PTGFR: variants seen among roughly 807,000 people sequenced by gnomAD.
The protein encoded by PTGFR is prostaglandin F2-alpha receptor.
In PTGFR, 15 loss-of-function variants were observed where a neutral mutation model predicts 26.2. The observed-to-expected ratio is 0.57, with a 90% CI of 0.38 to 0.88. The LOEUF is 0.88. PTGFR is among the 40% of genes least tolerant of loss of function. The pLI, the probability that PTGFR is intolerant of heterozygous loss-of-function variation, is 0.00. For missense variants in PTGFR, 369 were observed against 427.2 expected (o/e 0.86, Z 1.20); for synonymous variants, 165 against 151.1 (o/e 1.09, Z -0.68).
At chr1:78,530,654 T>C (rs1650484708) in intron 2 of PTGFR, among the ~76,000 whole-genome samples, 1 of 152,154 alleles carries the variant, frequency 6.6e-6, no homozygotes, top group African/African-American at 2.4e-5. Flanking sequence ...TAATACTGCT[T>C]CTCTCAGAGG....
chr1:78,529,755 C>T (rs1409322751), intron 2 of PTGFR, among the ~76,000 whole-genome samples: 1 of 152,172 alleles, frequency 6.6e-6, no homozygotes, highest in South Asian at 2.1e-4. Context: ...CCCCAACCCC[C>T]AGGCCCAGGC....
intron 2 of PTGFR, among the ~76,000 whole-genome samples, chr1:78,502,099 C>T (rs1424396925): frequency 6.6e-6 from 1 of 152,144 alleles, no homozygotes; most frequent in African/African-American, 2.4e-5. Context: ...CATTTCCACT[C>T]CAAGTTTCAA....
chr1:78,511,368 G>C (rs1649966010), intron 2 of PTGFR, among the ~76,000 whole-genome samples: 4 of 152,228 alleles, frequency 2.6e-5, no homozygotes, highest in Non-Finnish European at 1.5e-5. Flanking sequence ...TCTGCATTCT[G>C]TGCACCTATA....
rs913124840 is a variant in PTGFR, at chr1:78,494,771, A to G, written c.798+1230A>G. On this transcript the variant is annotated intron_variant, in intron 2 of 2. Transcript: ENST00000370757. ...CAGGCGTGTGGCACCAAACCCGGCTAATTTTTGTATTTTTAGTAGAGACGG... is the reference window on the plus strand; with the variant it reads ...CAGGCGTGTGGCACCAAACCCGGCTGATTTTTGTATTTTTAGTAGAGACGG... 1.1e-4 allele frequency among the ~76,000 whole-genome samples: 17 copies of G among 151,980 alleles called. 1 individual carries two copies. The highest frequency in any genetic ancestry group is 9.8e-4 in the Admixed American group (15 of 15,270).
intron 2 of PTGFR, among the ~76,000 whole-genome samples, chr1:78,510,955 G>T (rs2100369813): frequency 6.6e-6 from 1 of 151,680 alleles, no homozygotes. Context: ...ATCTTAAATA[G>T]TTCTTGACTC....
At chr1:78,505,285 GC>G (rs1166915854) in intron 2 of PTGFR, among the ~76,000 whole-genome samples, 1 of 151,736 alleles carries the variant, frequency 6.6e-6, no homozygotes, top group Non-Finnish European at 1.5e-5. Context: ...ACCACACCTG[GC>G]TAATTTTTGT....
chr1:78,492,603 G>A (rs976874405), intron 1 of PTGFR, 69 bp from the exon 2 acceptor site: 1 of 809,616 alleles, frequency 1.2e-6, no homozygotes. Context: ...GGGTGCTGGG[G>A]CACGTCAGTC....
chr1:78,527,156 G>A (rs565448985), intron 2 of PTGFR, among the ~76,000 whole-genome samples: 8 of 152,182 alleles, frequency 5.3e-5, no homozygotes, highest in South Asian at 4.2e-4. Context: ...TCTGGAGATT[G>A]GTACTTTTTC....
At chr1:78,511,756 C>T (rs1344142783) in intron 2 of PTGFR, among the ~76,000 whole-genome samples, 1 of 150,536 alleles carries the variant, frequency 6.6e-6, no homozygotes, top group Non-Finnish European at 1.5e-5. Flanking sequence ...TATCATGTGG[C>T]TAGCCTGTGA....
intron 2 of PTGFR, among the ~76,000 whole-genome samples, chr1:78,511,088 C>T (rs534092284): frequency 1.4e-4 from 22 of 152,314 alleles, no homozygotes; most frequent in African/African-American, 4.3e-4. Context: ...GAGTTGAGTG[C>T]CTGTGGCTTT....
At chr1:78,529,273 A>C (rs1027742245) in intron 2 of PTGFR, among the ~76,000 whole-genome samples, 1 of 152,166 alleles carries the variant, frequency 6.6e-6, no homozygotes. Flanking sequence ...TTTATTCCTG[A>C]ATCATTGTAC....
chr1:78,510,204 T>C (rs1361451695), intron 2 of PTGFR, among the ~76,000 whole-genome samples: 1 of 152,104 alleles, frequency 6.6e-6, no homozygotes, highest in East Asian at 1.9e-4. Context: ...ATACTAAGCG[T>C]GGAGGATGAA....
At position 78,539,862 on chromosome 1, in the gene PTGFR, A is replaced by G. The variant is rs951830253; in HGVS notation, c.*3175A>G. 1 of 152,068 alleles carries G rather than the reference A, an allele frequency of 6.6e-6. No homozygotes were observed. The highest frequency in any genetic ancestry group is 1.5e-5 in the Non-Finnish European group (1 of 67,994). The allele number at this position is 152,068 out of a possible 1,614,324, so 9.4% of individuals were successfully genotyped here. A position where few individuals can be genotyped will look rare whatever the true frequency, so the allele number is the denominator to read the frequency against. ...GAATTTCAACTTAATTTCCATTATTACCTTTTGCTCTCCCACCCTGCCCAA... is the reference window on the plus strand; with the variant it reads ...GAATTTCAACTTAATTTCCATTATTGCCTTTTGCTCTCCCACCCTGCCCAA... On this transcript the variant is annotated 3_prime_UTR_variant, in exon 3 of 3. Transcript: ENST00000370757.
At position 78,536,529 on chromosome 1, in the gene PTGFR, C is replaced by T. The variant is rs780246149; in HGVS notation, c.922C>T (p.Arg308Ter). 7.4e-6 allele frequency: 12 copies of T among 1,613,248 alleles called. No individual in the cohort carries two copies. Among genetic ancestry groups the T allele is most frequent in the African/African-American group, 1.3e-5 (1 of 74,988 alleles). Residue 308 changes from arginine to a stop codon, truncating the protein, a stop_gained, in exon 3 of 3, where the codon CGA becomes TGA. Coordinates refer to ENST00000370757, the MANE Select transcript of PTGFR (RefSeq NM_000959.4). LOFTEE classifies it high-confidence loss of function. ...ILDPWVYILL[R>*]KAVLKNLYKL... Reference sequence around the variant, plus strand: ...AGATCCTTGGGTATATATTCTTCTACGAAAGGCTGTCCTTAAGAATCTCTA... The same window carrying T: ...AGATCCTTGGGTATATATTCTTCTATGAAAGGCTGTCCTTAAGAATCTCTA...
intron 2 of PTGFR, among the ~76,000 whole-genome samples, chr1:78,506,197 T>A (rs1270063700): frequency 6.6e-6 from 1 of 152,016 alleles, no homozygotes; most frequent in Non-Finnish European, 1.5e-5. Context: ...CAACACTTTT[T>A]ATTTTCTCTT....
At chr1:78,496,435 C>A (rs950145037) in intron 2 of PTGFR, among the ~76,000 whole-genome samples, 4 of 152,262 alleles carry the variant, frequency 2.6e-5, no homozygotes, top group South Asian at 2.1e-4. Flanking sequence ...GGTCAATGCC[C>A]TATTTCATAC....
At chr1:78,521,618 G>A (rs767397587) in intron 2 of PTGFR, among the ~76,000 whole-genome samples, 6 of 152,082 alleles carry the variant, frequency 3.9e-5, no homozygotes, top group Non-Finnish European at 7.4e-5. Context: ...GGTTTCAATT[G>A]TTTATTGAGT....
chr1:78,521,431 C>A (rs1228033626), intron 2 of PTGFR, among the ~76,000 whole-genome samples: 1 of 152,076 alleles, frequency 6.6e-6, no homozygotes, highest in Non-Finnish European at 1.5e-5. Flanking sequence ...AATATTTTGA[C>A]TATGACCATT....
At chr1:78,534,219 A>G (rs1650590687) in intron 2 of PTGFR, among the ~76,000 whole-genome samples, 1 of 152,120 alleles carries the variant, frequency 6.6e-6, no homozygotes. Context: ...GACTCTACCT[A>G]AGTGTCTGGA....
Sources: gnomAD v4.1 joint callset for allele counts (sites outside exome capture counted in the v4.1 genomes callset) on GRCh38, gnomAD v4.1.1 for gene constraint, MANE v1.5 for transcripts, NCBI Gene and HGNC (gene_info 2026-07-23, HGNC 2026-07-21) for gene names.